TRIM37: variants seen among roughly 807,000 people sequenced by gnomAD.
TRIM37 encodes the protein E3 ubiquitin-protein ligase TRIM37.
Under a neutral mutation model 129.8 loss-of-function variants are expected in TRIM37, and 80 were observed. That is an observed-to-expected ratio of 0.62 (90% CI 0.51 to 0.74). The LOEUF (loss-of-function observed/expected upper bound fraction) is 0.74. Among genes scored for constraint, TRIM37 ranks in the 30% least tolerant of loss-of-function variants. TRIM37 has a pLI of 0.00. For missense variants in TRIM37, 1,054 were observed against 1,176.5 expected (o/e 0.90, Z 1.52); for synonymous variants, 389 against 387.1 (o/e 1.00, Z -0.06).
chr17:59,059,428 TGCA>T (rs2041271412), intron 12 of TRIM37: 1 of 152,158 alleles, frequency 6.6e-6, no homozygotes, highest in Non-Finnish European at 1.5e-5. Context: ...CAGGCTGGAG[TGCA>T]GTGGTGCGGA....
At chr17:59,078,263 CTATT>C (rs2042986564) in intron 7 of TRIM37, among the ~76,000 whole-genome samples, 2 of 151,854 alleles carry the variant, frequency 1.3e-5, no homozygotes, top group Admixed American at 1.3e-4. Context: ...AGAAAGAATC[CTATT>C]TAATCATAAA....
At chr17:58,994,941 G>T (rs866247477), downstream of TRIM37, among the ~76,000 whole-genome samples, 2 of 151,888 alleles carry the variant, frequency 1.3e-5, no homozygotes, top group Non-Finnish European at 2.9e-5. Flanking sequence ...TACAGATGGG[G>T]TTTCTCCATG....
At chr17:59,019,039 ATAC>A (rs1350673745) in intron 19 of TRIM37, among the ~76,000 whole-genome samples, 3 of 152,228 alleles carry the variant, frequency 2.0e-5, no homozygotes, top group African/African-American at 7.2e-5. Flanking sequence ...GAGCCCTCAT[ATAC>A]TGCTGCTGGG....
chr17:59,025,198 C>T (rs558721982), intron 19 of TRIM37, among the ~76,000 whole-genome samples: 1 of 152,164 alleles, frequency 6.6e-6, no homozygotes, highest in East Asian at 1.9e-4. Context: ...TGGGGAAAAA[C>T]ATCATTCCAT....
In TRIM37 at chr17:59,056,977, T is replaced by G; in HGVS notation, c.1097A>C (p.Asp366Ala). Residue 366 changes from aspartate (D) to alanine (A), a missense_variant, in exon 13 of 24, where the codon GAC becomes GCC. By Grantham distance (126) the Asp-to-Ala change is moderately radical. This residue lies in a region of TRIM37 where 752 missense variants were observed against 870.8 expected (regional missense o/e 0.86). Transcript: ENST00000262294. ...TKNIIREFAS[D>A]FEVGECWGYN... ...GCCCCAGCATTCTCCAACTTCAAAG[T>G]CAGATGCAAATTCTCGAATGATATT... The G allele has an allele frequency of 6.2e-7, 1 of 1,613,780 alleles. No homozygotes were observed. The highest frequency in any genetic ancestry group is 8.5e-7 in the Non-Finnish European group (1 of 1,179,874).
At chr17:59,085,162 T>C (rs908698436) in intron 4 of TRIM37, among the ~76,000 whole-genome samples, 5 of 151,848 alleles carry the variant, frequency 3.3e-5, no homozygotes, top group Non-Finnish European at 7.4e-5. Flanking sequence ...CCTTCTCTAC[T>C]AGAAATACAA....
At chr17:58,988,301 C>A (rs182322871) in intron 24 of TRIM37, among the ~76,000 whole-genome samples, 1 of 152,126 alleles carries the variant, frequency 6.6e-6, no homozygotes, top group African/African-American at 2.4e-5. Flanking sequence ...GAAGTGTCGG[C>A]TGTGACACAC....
chr17:59,047,745 A>C lies in TRIM37; in HGVS notation c.1605T>G (p.Ser535Arg), dbSNP rs1398193020. The C allele has an allele frequency of 1.2e-6, 2 of 1,613,640 alleles. No individual in the cohort carries two copies. Residue 535 changes from serine to arginine, a missense_variant, in exon 16 of 24, where the codon AGT becomes AGG. By Grantham distance (110) the Ser-to-Arg change is moderately radical. This residue lies in a region of TRIM37 where 752 missense variants were observed against 870.8 expected (regional missense o/e 0.86). Transcript: ENST00000262294. ...EDEVNQLDGS[S>R]SSASSTATSN... is the part of the protein sequence containing the mutation. The stretch of plus-strand genomic sequence containing the variant: ...TTGTTGCTGTGGAACTAGCAGAGGA[A>C]CTGCTGCCATCGAGCTGATTTACTT...
At chr17:59,029,849 A>G (rs1323875449) in intron 18 of TRIM37, among the ~76,000 whole-genome samples, 1 of 152,214 alleles carries the variant, frequency 6.6e-6, no homozygotes, top group African/African-American at 2.4e-5. Flanking sequence ...ATAAAAAGAA[A>G]GTCATATATT....
chr17:59,081,961 A>AT (rs1248128507), intron 5 of TRIM37, among the ~76,000 whole-genome samples: 1,378 of 110,308 alleles, frequency 0.012, 13 homozygotes, highest in Non-Finnish European at 0.019. Context: ...AATAAAAAAA[A>AT]AAAAATAATA....
chr17:59,102,732 CTA>C (rs2147649664), intron 2 of TRIM37, among the ~76,000 whole-genome samples: 1 of 152,282 alleles, frequency 6.6e-6, no homozygotes, highest in South Asian at 2.1e-4. Flanking sequence ...AAAGAACAGG[CTA>C]TAGAGTTCTT....
chr17:59,098,950 C>G (rs1314783540), intron 2 of TRIM37, among the ~76,000 whole-genome samples: 1 of 152,082 alleles, frequency 6.6e-6, no homozygotes, highest in Non-Finnish European at 1.5e-5. Context: ...TTTGGGAGGC[C>G]AAGGAGGGTG....
chr17:59,074,868 T>C (rs1051596011), intron 8 of TRIM37, among the ~76,000 whole-genome samples: 2 of 152,216 alleles, frequency 1.3e-5, no homozygotes, highest in Non-Finnish European at 2.9e-5. Context: ...AAATATAAAC[T>C]CTATGAGGAC....
intron 9 of TRIM37, among the ~76,000 whole-genome samples, chr17:59,068,735 T>G (rs896086165): frequency 2.0e-5 from 3 of 152,242 alleles, no homozygotes; most frequent in Non-Finnish European, 4.4e-5. Flanking sequence ...CTTCTACTGG[T>G]CAATGAGAAC....
At chr17:58,977,340 G>C in the TRIM37 span, among the ~76,000 whole-genome samples, 14 of 151,896 alleles carry the variant, frequency 9.2e-5, no homozygotes, top group East Asian at 2.5e-3. Flanking sequence ...CTACTTGGGA[G>C]GCTGAGGCAG....
rs142916927 is a variant in TRIM37 at position 59,083,399 on chromosome 17, T to C, written c.369+603A>G. Among the ~76,000 whole-genome samples, 17 of 151,348 alleles carry C rather than the reference T, an allele frequency of 1.1e-4. No individual in the cohort carries two copies. The East Asian group carries it at 3.3e-3, about 29-fold the overall frequency. Reference sequence around the variant, plus strand: ...GTTGCAGTGAGCCGAGATCCCACCATTGCACTCCAGCCTGGGCAACAAGAG... The same window carrying C: ...GTTGCAGTGAGCCGAGATCCCACCACTGCACTCCAGCCTGGGCAACAAGAG... On this transcript the variant is annotated intron_variant, in intron 5 of 23. Coordinates refer to ENST00000262294, the MANE Select transcript of TRIM37 (RefSeq NM_015294.6).
chr17:59,057,473 G>A (rs1454854056), intron 12 of TRIM37, among the ~76,000 whole-genome samples: 1 of 152,200 alleles, frequency 6.6e-6, no homozygotes, highest in African/African-American at 2.4e-5. Context: ...CTCCCAGTGT[G>A]CTGGGATTGC....
At chr17:59,044,372 TCAACA>T (rs1006478490) in intron 16 of TRIM37, among the ~76,000 whole-genome samples, 1 of 151,728 alleles carries the variant, frequency 6.6e-6, no homozygotes, top group Admixed American at 6.6e-5. Flanking sequence ...ACCAGCCTGG[TCAACA>T]TTGCAAAACC....
At chr17:59,004,185 T>C (rs1361595553) in intron 22 of TRIM37, among the ~76,000 whole-genome samples, 3 of 151,824 alleles carry the variant, frequency 2.0e-5, no homozygotes, top group Non-Finnish European at 4.4e-5. Flanking sequence ...TAGAATGCCA[T>C]AGAGATAGCA....
Sources: allele counts gnomAD v4.1 joint callset (sites outside exome capture counted in the v4.1 genomes callset), GRCh38; gene constraint gnomAD v4.1.1; regional missense constraint gnomAD v4.1.1; transcripts MANE v1.5; gene names NCBI Gene and HGNC (gene_info 2026-07-23, HGNC 2026-07-21).